Variants in NPIPB6 observed in about 807,000 individuals in gnomAD.
NPIPB6 encodes nuclear pore complex-interacting protein family member B6.
Under a neutral mutation model 20.0 loss-of-function variants are expected in NPIPB6, and 2 were observed. The ratio of observed to expected loss-of-function variants is 0.10; its 90% confidence interval spans 0.04 to 0.31. NPIPB6 has a LOEUF of 0.31. Ranked by LOEUF, NPIPB6 falls within the 10% of genes least tolerant of loss-of-function variation. The pLI is 1.00. For synonymous variants in NPIPB6, 35 were observed against 116.3 expected, an observed-to-expected ratio of 0.30 and a Z score of 4.50; for missense variants, 96 against 293.7, an observed-to-expected ratio of 0.33 and a Z score of 4.92.
At chr16:28,360,439 T>C in intron 1 of NPIPB6, among the ~76,000 whole-genome samples, 1 of 131,294 alleles carries the variant, frequency 7.6e-6, no homozygotes, top group East Asian at 2.1e-4. Flanking sequence ...AACTGCTTTT[T>C]CTGAAGTCTA....
At position 28,343,266 on chromosome 16, in the gene NPIPB6, C is replaced by T. The variant is rs1463430686; in HGVS notation, c.697-78G>A. 2.6e-5 allele frequency: 27 copies of T among 1,046,260 alleles called. 4 individuals carry two copies. The highest frequency in any genetic ancestry group is 3.6e-5 in the Non-Finnish European group (26 of 724,460). The allele number at this position is 1,046,260 out of a possible 1,614,324, so 64.8% of individuals were successfully genotyped here. Reference sequence around the variant, plus strand: ...ATTACCACCACCAACACAGTCTGCACCTTCTGTTGCTGGTGATAGATTTTT... The same window carrying T: ...ATTACCACCACCAACACAGTCTGCATCTTCTGTTGCTGGTGATAGATTTTT... On this transcript the variant is annotated intron_variant, in intron 6 of 6. Coordinates refer to ENST00000532254, the Ensembl canonical transcript of NPIPB6.
chr16:28,359,077 A>G (rs2045370887), intron 1 of NPIPB6, among the ~76,000 whole-genome samples: 1 of 121,780 alleles, frequency 8.2e-6, no homozygotes, highest in African/African-American at 3.5e-5. Context: ...ATGGAATGAG[A>G]CTCTGTCTCA....
chr16:28,347,912 C>A (rs1282551613), intron 4 of NPIPB6, among the ~76,000 whole-genome samples: 8 of 111,018 alleles, frequency 7.2e-5, no homozygotes, highest in Non-Finnish European at 2.1e-5. Context: ...GAGTTCTAGA[C>A]CAGCTTGGCC....
rs1334278205 is a variant in NPIPB6, at chr16:28,348,317, C to T, written c.599+517G>A. Among the ~76,000 whole-genome samples, 4 of 107,178 alleles carry T rather than the reference C, an allele frequency of 3.7e-5. 1 individual carries two copies. Among genetic ancestry groups the T allele is most frequent in the Admixed American group, 2.2e-4 (2 of 9,270 alleles). The allele number at this position is 107,178 out of a possible 152,430, so 70.3% of individuals were successfully genotyped here. On this transcript the variant is annotated intron_variant, in intron 4 of 6. Transcript: ENST00000532254. ...AAAAAAGGCTGGGTGTGGTGGCTCA[C>T]ACCTCTAATCCCAGCACTTTGGGAG... is the stretch of plus-strand genomic sequence containing the variant.
intron 1 of NPIPB6, among the ~76,000 whole-genome samples, chr16:28,360,413 T>C: frequency 7.5e-6 from 1 of 132,486 alleles, no homozygotes; most frequent in African/African-American, 2.6e-5. Context: ...AGTTCACTGC[T>C]GATTACATCC....
intron 1 of NPIPB6, among the ~76,000 whole-genome samples, chr16:28,360,575 C>T (rs1247305540): frequency 7.2e-6 from 1 of 138,582 alleles, no homozygotes; most frequent in East Asian, 2.0e-4. Context: ...CACTCTCCTC[C>T]TCTGCCCCTC....
chr16:28,360,384 T>A (rs1443911614), intron 1 of NPIPB6, among the ~76,000 whole-genome samples: 1 of 132,752 alleles, frequency 7.5e-6, no homozygotes, highest in African/African-American at 2.6e-5. Flanking sequence ...ACTGACTCAA[T>A]GTCACTCAAT....
At position 28,346,291 on chromosome 16, in the gene NPIPB6, T is replaced by A. The variant is rs556844920; in HGVS notation, c.600-1538A>T. 9.2e-5 allele frequency: 74 copies of A among 806,818 alleles called. 16 individuals are homozygous for A. The African/African-American group carries it at 1.6e-3, about 17-fold the overall frequency. 50.0% of individuals were successfully genotyped at this position (806,818 alleles called of 1,614,324 possible). On this transcript the variant is annotated intron_variant, in intron 4 of 6. Transcript: ENST00000532254. Reference sequence around the variant, plus strand: ...ACTAACTCCATAGGAAGCAGAGGATTGCTCCTCATCTGACTCTTCCTGTGT... The same window carrying A: ...ACTAACTCCATAGGAAGCAGAGGATAGCTCCTCATCTGACTCTTCCTGTGT...
chr16:28,349,889 CAAAAAAA>C (rs1178858068), intron 2 of NPIPB6, among the ~76,000 whole-genome samples: 996 of 16,834 alleles, frequency 0.059, 26 homozygotes, highest in African/African-American at 0.11. Context: ...AACTCTGTCT[CAAAAAAA>C]AAAAAAAAAA....
In NPIPB6 at chr16:28,350,214, AT is replaced by A. The variant is rs1276817342; in HGVS notation, c.304-974del. ...CCGTCTCAAAAAAAAAAAAAAAAAA[AT>A]GACATGAATATACTTCACACAACTG... On this transcript the variant is annotated intron_variant, in intron 2 of 6. Coordinates refer to ENST00000532254, the Ensembl canonical transcript of NPIPB6. Among the ~76,000 whole-genome samples the A allele has an allele frequency of 2.7e-5, 3 of 109,092 alleles. 1 individual carries two copies. The highest frequency in any genetic ancestry group is 6.1e-5 in the Non-Finnish European group (3 of 49,192). 71.6% of individuals were successfully genotyped at this position (109,092 alleles called of 152,430 possible).
chr16:28,360,358 A>G (rs1217439909), intron 1 of NPIPB6, among the ~76,000 whole-genome samples: 1 of 132,190 alleles, frequency 7.6e-6, no homozygotes, highest in African/African-American at 2.6e-5. Flanking sequence ...GGGGTAACTG[A>G]GGCAGTCAGA....
chr16:28,359,229 T>G, intron 1 of NPIPB6, among the ~76,000 whole-genome samples: 1 of 79,150 alleles, frequency 1.3e-5, no homozygotes, highest in Non-Finnish European at 2.3e-5. Context: ...GTTGCTAGAG[T>G]CACCGTGATC....
At position 28,343,042 on chromosome 16, in the gene NPIPB6, G is replaced by A; in HGVS notation, c.843C>T (p.Leu281=). The A allele has an allele frequency of 2.2e-5, 32 of 1,451,330 alleles. 6 individuals are homozygous for A. The highest frequency in any genetic ancestry group is 3.0e-5 in the Non-Finnish European group (32 of 1,057,254). 89.9% of individuals were successfully genotyped at this position (1,451,330 alleles called of 1,614,324 possible). The change falls in exon 7 of 7, where the codon CTC becomes CTT. Residue 281 remains leucine (L), a synonymous_variant. Transcript: ENST00000532254. ...TGAGCAGACACTCAGTAGGTGTCTT[G>A]AGGCTCAGGGAGTTATCAGTTATAG...
chr16:28,342,991 A>G (rs762609010), exon 7 of NPIPB6: 6 of 1,568,584 alleles, frequency 3.8e-6, no homozygotes, highest in Middle Eastern at 1.8e-4. Flanking sequence ...CCTTGATATT[A>G]TCATCCACTG....
rs1233035121 is a variant in NPIPB6 at position 28,355,791 on chromosome 16, C to T, written c.121-2730G>A. 2.4e-5 allele frequency among the ~76,000 whole-genome samples: 3 copies of T among 123,120 alleles called. 1 individual carries two copies. The highest frequency in any genetic ancestry group is 5.5e-5 in the Non-Finnish European group (3 of 54,636). The allele number at this position is 123,120 out of a possible 152,430, so 80.8% of individuals were successfully genotyped here. ...AATAAATAAATAAAATAATGTAGAT[C>T]TTGAAAGGGGGTCGGTTTATGCTGG... On this transcript the variant is annotated intron_variant, in intron 1 of 6. Transcript: ENST00000532254.
intron 1 of NPIPB6, among the ~76,000 whole-genome samples, chr16:28,355,825 C>T (rs2141625093): frequency 8.2e-6 from 1 of 122,402 alleles, no homozygotes; most frequent in African/African-American, 2.8e-5. Flanking sequence ...GGTGTAAGTA[C>T]TTTCCAAAGT....
chr16:28,342,753 T>G (rs1311782575), exon 7 of NPIPB6: 1 of 1,583,234 alleles, frequency 6.3e-7, no homozygotes. Flanking sequence ...TCATCCACCC[T>G]CCGCCTCTTG....
intron 1 of NPIPB6, among the ~76,000 whole-genome samples, chr16:28,361,694 C>G (rs2045437013): frequency 6.7e-6 from 1 of 148,302 alleles, no homozygotes; most frequent in Admixed American, 6.8e-5. Context: ...GCACTCCAGC[C>G]TGGGCGACAG....
intron 1 of NPIPB6, among the ~76,000 whole-genome samples, chr16:28,361,758 GTGTGTGTGTGTA>G (rs879415529): frequency 0.1 from 7,639 of 76,462 alleles, 102 homozygotes; most frequent in African/African-American, 0.14. Context: ...GTGTGTGTGT[GTGTGTGTGTGTA>G]TGTGTGTGTG....
Sources: allele counts gnomAD v4.1 joint callset (sites outside exome capture counted in the v4.1 genomes callset), GRCh38; gene constraint gnomAD v4.1.1; transcripts MANE v1.5; gene names NCBI Gene and HGNC (gene_info 2026-07-23, HGNC 2026-07-21).